The following ZC3H12B variants were observed in gnomAD, a reference collection of about 807,000 sequenced individuals.
ZC3H12B encodes the protein zinc finger CCCH-type containing 12B, also known as probable ribonuclease ZC3H12B.
ZC3H12B carries 7 observed loss-of-function variants against 43.9 expected under a neutral mutation model. That is an observed-to-expected ratio of 0.16 (90% CI 0.09 to 0.30). The LOEUF (loss-of-function observed/expected upper bound fraction) is 0.30. Ranked by LOEUF, ZC3H12B falls within the 10% of genes least tolerant of loss-of-function variation. ZC3H12B has a pLI of 1.00. For synonymous variants in ZC3H12B, 222 were observed against 241.7 expected (o/e 0.92, Z 0.76); for missense variants, 475 against 670.2 (o/e 0.71, Z 3.22).
At chrX:65,242,584 G>A in the ZC3H12B span, among the ~76,000 whole-genome samples, 4 of 111,920 alleles carry the variant, frequency 3.6e-5, no homozygotes, top group Non-Finnish European at 7.5e-5. Context: ...ATTTAATGCA[G>A]TTTCTGTCAA....
intron 2 of ZC3H12B, among the ~76,000 whole-genome samples, chrX:65,387,865 G>T (rs916342723): frequency 8.0e-5 from 9 of 112,447 alleles, no homozygotes; most frequent in African/African-American, 2.9e-4. Flanking sequence ...GCATTTGCTT[G>T]TCTGTAAAGG....
At chrX:65,225,581 T>C in the ZC3H12B span, among the ~76,000 whole-genome samples, 1 of 112,004 alleles carries the variant, frequency 8.9e-6, no homozygotes, top group African/African-American at 3.3e-5. Context: ...TACTCCAAGC[T>C]ACAGAAGGAA....
the ZC3H12B span, among the ~76,000 whole-genome samples, chrX:65,221,227 A>G: frequency 8.9e-6 from 1 of 112,021 alleles, no homozygotes; most frequent in African/African-American, 3.2e-5. Context: ...AGTTCATAGC[A>G]TTAAATGCCT....
the ZC3H12B span, among the ~76,000 whole-genome samples, chrX:65,178,512 C>T: frequency 2.7e-5 from 3 of 112,168 alleles, no homozygotes; most frequent in African/African-American, 9.7e-5. Context: ...GCAATCTATC[C>T]ATCTGACAAA....
At chrX:65,159,741 G>A in the ZC3H12B span, among the ~76,000 whole-genome samples, 5 of 111,668 alleles carry the variant, frequency 4.5e-5, no homozygotes, top group African/African-American at 1.6e-4. Context: ...TTTCCTAATT[G>A]AATAACCTTT....
At chrX:65,201,442 A>T in the ZC3H12B span, among the ~76,000 whole-genome samples, 3 of 110,083 alleles carry the variant, frequency 2.7e-5, no homozygotes, top group Non-Finnish European at 5.7e-5. Flanking sequence ...TTTTTCTTTT[A>T]TTCTTTATTA....
At chrX:65,284,876 G>A in the ZC3H12B span, among the ~76,000 whole-genome samples, 140 of 111,577 alleles carry the variant, frequency 1.3e-3, no homozygotes, top group Non-Finnish European at 1.1e-3. Context: ...CTGCAATAAT[G>A]GATGAAACCA....
chrX:65,336,986 G>T, the ZC3H12B span, among the ~76,000 whole-genome samples: 1 of 112,273 alleles, frequency 8.9e-6, no homozygotes, highest in South Asian at 3.7e-4. Context: ...TACTGAGAAG[G>T]GGGGCCTCCA....
the ZC3H12B span, among the ~76,000 whole-genome samples, chrX:65,312,440 T>C: frequency 4.6e-5 from 5 of 108,647 alleles, no homozygotes; most frequent in Non-Finnish European, 9.5e-5. Context: ...GCCACAGTAA[T>C]GAATCTGCAC....
chrX:65,135,003 ACTT>A, the ZC3H12B span, among the ~76,000 whole-genome samples: 1 of 110,891 alleles, frequency 9.0e-6, no homozygotes, highest in Non-Finnish European at 1.9e-5. Context: ...AGCCATTTTT[ACTT>A]CTTTTGTGAT....
chrX:65,279,097 T>C, the ZC3H12B span, among the ~76,000 whole-genome samples: 56 of 110,857 alleles, frequency 5.1e-4, 1 homozygote, highest in South Asian at 0.019. Flanking sequence ...TAATGAACAT[T>C]TGTGTGTGTG....
chrX:65,040,240 C>A, the ZC3H12B span, among the ~76,000 whole-genome samples: 1 of 111,383 alleles, frequency 9.0e-6, no homozygotes, highest in Non-Finnish European at 1.9e-5. Context: ...TTGCTCCTTG[C>A]CCTTTTCAGG....
intron 2 of ZC3H12B, among the ~76,000 whole-genome samples, chrX:65,386,635 C>A (rs1203822315): frequency 9.0e-6 from 1 of 111,364 alleles, no homozygotes; most frequent in Non-Finnish European, 1.9e-5. Flanking sequence ...TTTTTTGTGT[C>A]TCTATTTCCT....
At chrX:65,143,865 G>A in the ZC3H12B span, among the ~76,000 whole-genome samples, 18 of 110,905 alleles carry the variant, frequency 1.6e-4, no homozygotes, top group Non-Finnish European at 2.8e-4. Context: ...CACTGGACCT[G>A]GCCTTGAGTT....
At chrX:65,359,003 A>G in the ZC3H12B span, among the ~76,000 whole-genome samples, 2 of 111,490 alleles carry the variant, frequency 1.8e-5, no homozygotes, top group African/African-American at 6.5e-5. Flanking sequence ...CTCATTTTCC[A>G]TTTTGAAAAT....
chrX:65,197,567 G>T, the ZC3H12B span, among the ~76,000 whole-genome samples: 1 of 112,017 alleles, frequency 8.9e-6, no homozygotes, highest in African/African-American at 3.2e-5. Context: ...AGTGAGAAAA[G>T]TTTCCTAATT....
chrX:65,217,224 G>C, the ZC3H12B span, among the ~76,000 whole-genome samples: 1 of 112,325 alleles, frequency 8.9e-6, no homozygotes, highest in African/African-American at 3.2e-5. Context: ...ATGAGTCGCA[G>C]TGTTTCAGGG....
chrX:65,233,531 TAAAAA>T, the ZC3H12B span, among the ~76,000 whole-genome samples: 1 of 96,615 alleles, frequency 1.0e-5, no homozygotes, highest in African/African-American at 3.7e-5. Context: ...AGAAGAAAAT[TAAAAA>T]AAAAAAAATC....
chrX:65,236,615 C>A, the ZC3H12B span, among the ~76,000 whole-genome samples: 2 of 111,732 alleles, frequency 1.8e-5, no homozygotes, highest in Non-Finnish European at 3.8e-5. Context: ...ATAATGAAAT[C>A]TTTGCCCATG....
Sources: allele counts gnomAD v4.1 joint callset (sites outside exome capture counted in the v4.1 genomes callset), GRCh38; gene constraint gnomAD v4.1.1; transcripts MANE v1.5; gene names NCBI Gene and HGNC (gene_info 2026-07-23, HGNC 2026-07-21).